Variants in HIVEP3 observed in about 807,000 individuals in gnomAD.
The protein encoded by HIVEP3 is HIVEP zinc finger 3, also known as transcription factor HIVEP3.
HIVEP3 carries 49 observed loss-of-function variants against 152.8 expected under a neutral mutation model. That is an observed-to-expected ratio of 0.32 (90% CI 0.26 to 0.41). The LOEUF is 0.41. HIVEP3 is among the 10% of genes least tolerant of loss of function. The pLI is 1.00. For missense variants in HIVEP3, 2,790 were observed against 3,103.3 expected (o/e 0.90, Z 2.40); for synonymous variants, 1,269 against 1,289.0 (o/e 0.98, Z 0.33).
chr1:41,640,041 C>A (rs1419945809), intron 2 of HIVEP3, among the ~76,000 whole-genome samples: 1 of 152,128 alleles, frequency 6.6e-6, no homozygotes, highest in African/African-American at 2.4e-5. Flanking sequence ...ATAACATATT[C>A]CATTTAGTGG....
intron 1 of HIVEP3, among the ~76,000 whole-genome samples, chr1:42,007,928 G>A (rs1381494832): frequency 2.6e-5 from 4 of 151,972 alleles, no homozygotes; most frequent in Non-Finnish European, 4.4e-5. Flanking sequence ...TTCTTCTGAT[G>A]GATTCCTTCA....
In HIVEP3 at chr1:41,662,556, G is replaced by A. The variant is rs1645733165; in HGVS notation, c.-720-33609C>T. ...GCTGGCCACCCCGGGATGCCTTCGC[G>A]GCCGGGGTCGCAGATGGGCCCGGGC... On this transcript the variant is annotated intron_variant, in intron 2 of 8. Transcript: ENST00000372583. This position sits in a 1 kb window ranked among gnomAD's most constrained non-coding sequence, Gnocchi z 7.2. Among the ~76,000 whole-genome samples, 1 of 151,224 alleles carries A rather than the reference G, an allele frequency of 6.6e-6. No individual in the cohort carries two copies. The highest frequency in any genetic ancestry group is 6.6e-5 in the Admixed American group (1 of 15,214).
chr1:42,026,224 G>C (rs1449645700), intron 1 of HIVEP3, among the ~76,000 whole-genome samples: 1 of 152,108 alleles, frequency 6.6e-6, no homozygotes, highest in African/African-American at 2.4e-5. Flanking sequence ...CCTTTCCCCT[G>C]AATAAATCCA....
At chr1:41,560,266 G>T (rs535070815) in intron 5 of HIVEP3, among the ~76,000 whole-genome samples, 52 of 152,290 alleles carry the variant, frequency 3.4e-4, no homozygotes, top group Admixed American at 1.4e-3. Context: ...AGCCAGAGAG[G>T]TTAAACAACT....
At chr1:42,024,481 A>G (rs537425067) in intron 1 of HIVEP3, among the ~76,000 whole-genome samples, 1 of 152,320 alleles carries the variant, frequency 6.6e-6, no homozygotes, top group South Asian at 2.1e-4. Context: ...TTGTTAATTT[A>G]TCAGCCTGAA....
At chr1:42,024,541 T>C (rs1297843669) in intron 1 of HIVEP3, among the ~76,000 whole-genome samples, 1 of 152,224 alleles carries the variant, frequency 6.6e-6, no homozygotes, top group Non-Finnish European at 1.5e-5. Flanking sequence ...GACCTTAGAA[T>C]GCTCTTGATT....
In HIVEP3 at chr1:41,870,266, T is replaced by C. The variant is rs553056395; in HGVS notation, c.-801+48147A>G. Among the ~76,000 whole-genome samples, 34 of 152,246 alleles carry C rather than the reference T, an allele frequency of 2.2e-4. No individual in the cohort carries two copies. In the South Asian group the frequency reaches 6.6e-3, roughly 30 times the overall value. ...CCAAAAAAAGCCCCCCAGCACTAGA[T>C]TGGGTGACTCATTCACTCATTCACT... On this transcript the variant is annotated intron_variant, in intron 1 of 8. Transcript: ENST00000372583.
intron 1 of HIVEP3, among the ~76,000 whole-genome samples, chr1:41,928,753 T>C (rs977072224): frequency 6.6e-6 from 1 of 152,206 alleles, no homozygotes; most frequent in African/African-American, 2.4e-5. Flanking sequence ...CTGATGTTTT[T>C]TCGTGATTAA....
At chr1:41,940,349 G>A (rs888857089) in intron 1 of HIVEP3, among the ~76,000 whole-genome samples, 2 of 152,140 alleles carry the variant, frequency 1.3e-5, no homozygotes, top group African/African-American at 2.4e-5. Flanking sequence ...ATGCCCACTA[G>A]GTGCCCAACA....
chr1:41,539,195 A>G (rs766779707), intron 5 of HIVEP3, among the ~76,000 whole-genome samples: 1 of 151,868 alleles, frequency 6.6e-6, no homozygotes, highest in Non-Finnish European at 1.5e-5. Context: ...ACCCTCCCAC[A>G]GGTGCATATT....
At chr1:42,002,801 C>T (rs949121924) in intron 1 of HIVEP3, among the ~76,000 whole-genome samples, 1 of 151,750 alleles carries the variant, frequency 6.6e-6, no homozygotes, top group South Asian at 2.1e-4. Flanking sequence ...TCCCACCCTG[C>T]CCACATGCTC....
intron 1 of HIVEP3, among the ~76,000 whole-genome samples, chr1:41,891,666 C>G (rs1644448896): frequency 6.6e-6 from 1 of 152,220 alleles, no homozygotes; most frequent in African/African-American, 2.4e-5. Context: ...CTGCTCACGG[C>G]ACTCCCCAGA....
At chr1:41,652,681 C>T (rs1645570157) in intron 2 of HIVEP3, among the ~76,000 whole-genome samples, 1 of 152,188 alleles carries the variant, frequency 6.6e-6, no homozygotes, top group African/African-American at 2.4e-5. Context: ...CCTCACCGGC[C>T]ATTTCCACTG....
intron 1 of HIVEP3, among the ~76,000 whole-genome samples, chr1:41,718,562 C>T (rs1017720983): frequency 6.6e-6 from 1 of 152,158 alleles, no homozygotes; most frequent in African/African-American, 2.4e-5. Context: ...ATGGGAACAG[C>T]GGACCTGCCC....
At chr1:41,671,136 A>G (rs1645869430) in intron 2 of HIVEP3, among the ~76,000 whole-genome samples, 1 of 152,150 alleles carries the variant, frequency 6.6e-6, no homozygotes, top group Non-Finnish European at 1.5e-5. Flanking sequence ...CCTCCCTCTC[A>G]GGGGACTTGT....
chr1:41,619,987 G>T (rs1645023491), intron 3 of HIVEP3, among the ~76,000 whole-genome samples: 1 of 152,190 alleles, frequency 6.6e-6, no homozygotes, highest in South Asian at 2.1e-4. Context: ...TCTCTAGTGG[G>T]TGACTCACAG....
At chr1:41,594,792 T>C (rs1644641171) in intron 3 of HIVEP3, among the ~76,000 whole-genome samples, 2 of 152,330 alleles carry the variant, frequency 1.3e-5, no homozygotes, top group Admixed American at 1.3e-4. Flanking sequence ...CCAATATTAC[T>C]TTTTAGAATG....
intron 2 of HIVEP3, among the ~76,000 whole-genome samples, chr1:41,640,825 A>G (rs140958541): frequency 0.013 from 1,995 of 152,324 alleles, 24 homozygotes; most frequent in Non-Finnish European, 0.016. Context: ...AACTGAGGAA[A>G]CTGAGGCTTT....
At position 41,947,019 on chromosome 1, in the gene HIVEP3, A is replaced by G. The variant is rs551973413; in HGVS notation, n.120-28495T>C. On this transcript the variant is annotated intron_variant and non_coding_transcript_variant, in intron 1 of 3. Transcript: ENST00000489103. ...CTTTCCCAAATACCAGAGGAAACAGAGTGGTTTACAGTCCTGGACTTTAAA... is the reference window on the plus strand; with the variant it reads ...CTTTCCCAAATACCAGAGGAAACAGGGTGGTTTACAGTCCTGGACTTTAAA... 6.6e-5 allele frequency among the ~76,000 whole-genome samples: 10 copies of G among 152,260 alleles called. No individual in the cohort carries two copies. In the South Asian group the frequency reaches 2.1e-3, roughly 32 times the overall value.
Sources: gnomAD v4.1 joint callset for allele counts (sites outside exome capture counted in the v4.1 genomes callset) on GRCh38, gnomAD v4.1.1 for gene constraint, Gnocchi (gnomAD v3.1) non-coding constraint, MANE v1.5 for transcripts, NCBI Gene and HGNC (gene_info 2026-07-23, HGNC 2026-07-21) for gene names.